ZNF274: variants seen among roughly 807,000 people sequenced by gnomAD.
ZNF274 encodes neurotrophin receptor-interacting factor homolog.
ZNF274 carries 23 observed loss-of-function variants against 42.5 expected under a neutral mutation model. The ratio of observed to expected loss-of-function variants is 0.54; its 90% CI spans 0.39 to 0.77. The LOEUF (loss-of-function observed/expected upper bound fraction) is 0.77, where lower values mean the gene tolerates loss of function less well. Among genes scored for constraint, ZNF274 ranks in the 30% least tolerant of loss-of-function variants. ZNF274 has a pLI of 0.00. For synonymous variants in ZNF274, 292 were observed against 305.4 expected, an observed-to-expected ratio of 0.96 and a Z score of 0.46; for missense variants, 679 against 806.5, an observed-to-expected ratio of 0.84 and a Z score of 1.91.
At position 58,211,607 on chromosome 19, in the gene ZNF274, G is replaced by A. The variant is rs1193909428; in HGVS notation, c.900G>A (p.Glu300=). 9 of 1,613,732 alleles carry A rather than the reference G, an allele frequency of 5.6e-6. No homozygotes were observed. In the African/African-American group the frequency reaches 1.1e-4, roughly 19 times the overall value. Residue 300 remains glutamate, a synonymous_variant, in exon 7 of 8, where the codon GAG becomes GAA. Coordinates refer to ENST00000617501, the MANE Select transcript of ZNF274 (RefSeq NM_133502.3). The surrounding 1 kb of genome is among the most constrained non-coding windows in gnomAD (Gnocchi z 4.8). ...QDVAVDFSRE[E]WGLLGPTQRT... ...TGGCTGTGGACTTCAGCCGGGAGGA[G>A]TGGGGGCTGCTGGGCCCGACACAGA...
chr19:58,212,619 G>A lies in ZNF274; in HGVS notation c.1438G>A (p.Glu480Lys), dbSNP rs1409525848. ...QKSCERQKAK[E>K]GNGCRKTFSR... is the part of the protein sequence containing the mutation. ...GAGCTGTGAAAGGCAAAAGGCCAAGGAAGGCAATGGTTGTAGGAAAACCTT... is the reference window on the plus strand; with the variant it reads ...GAGCTGTGAAAGGCAAAAGGCCAAGAAAGGCAATGGTTGTAGGAAAACCTT... The change falls in exon 8 of 8, where the codon GAA (glutamate) becomes AAA (lysine). Residue 480 changes from glutamate to lysine, a missense_variant. Physicochemically the swap from Glu to Lys is moderately conservative, Grantham distance 56 (BLOSUM62 1). Around this residue, in one of 2 missense-constraint regions of ZNF274, gnomAD observed 456 missense variants for 590.1 expected, o/e 0.77. Coordinates refer to ENST00000617501, the MANE Select transcript of ZNF274 (RefSeq NM_133502.3). This position sits in a 1 kb window ranked among gnomAD's most constrained non-coding sequence, Gnocchi z 4.6. 1.2e-6 allele frequency: 2 copies of A among 1,614,018 alleles called. No homozygotes were observed. The highest frequency in any genetic ancestry group is 2.2e-5 in the South Asian group (2 of 91,082).
chr19:58,211,642 A>G lies in ZNF274; in HGVS notation c.935A>G (p.Tyr312Cys). 1 of 1,613,686 alleles carries G rather than the reference A, an allele frequency of 6.2e-7. No homozygotes were observed. Among genetic ancestry groups the G allele is most frequent in the South Asian group, 1.1e-5 (1 of 91,064 alleles). ...GLLGPTQRTE[Y>C]RDVMLETFGH... ...CTGGGCCCGACACAGAGGACCGAGT[A>G]CCGCGATGTGATGCTGGAGACCTTT... The change falls in exon 7 of 8, where the codon TAC (tyrosine) becomes TGC (cysteine). Residue 312 changes from tyrosine to cysteine, a missense_variant. Around this residue, in one of 2 missense-constraint regions of ZNF274, gnomAD observed 456 missense variants for 590.1 expected, o/e 0.77. Transcript: ENST00000617501. The surrounding 1 kb of genome is among the most constrained non-coding windows in gnomAD (Gnocchi z 4.8).
intron 4 of ZNF274, among the ~76,000 whole-genome samples, chr19:58,198,767 C>T (rs1365946826): frequency 6.7e-6 from 1 of 150,222 alleles, no homozygotes; most frequent in Non-Finnish European, 1.5e-5. Flanking sequence ...TGTAGAGTTG[C>T]CAAAATTAGT....
At chr19:58,198,408 CTATT>C (rs1394074012) in intron 4 of ZNF274, among the ~76,000 whole-genome samples, 1 of 152,132 alleles carries the variant, frequency 6.6e-6, no homozygotes, top group Non-Finnish European at 1.5e-5. Context: ...TATACATAAA[CTATT>C]TCTTAAAATT....
chr19:58,185,870 G>A, intron 3 of ZNF274, 32 bp downstream of exon 3: 1 of 1,339,066 alleles, frequency 7.5e-7, no homozygotes, highest in South Asian at 2.5e-5. Flanking sequence ...AGAAGGATCT[G>A]TGCTTTGTAG....
intron 4 of ZNF274, among the ~76,000 whole-genome samples, chr19:58,204,081 C>G (rs376994061): frequency 6.6e-6 from 1 of 152,152 alleles, no homozygotes. Flanking sequence ...GGTTTGTACT[C>G]GAGGAACGGG....
In ZNF274 at chr19:58,185,296, C is replaced by T. The variant is rs1415898391; in HGVS notation, c.34-416C>T. Among the ~76,000 whole-genome samples, 8 of 151,628 alleles carry T rather than the reference C, an allele frequency of 5.3e-5. No individual in the cohort carries two copies. The East Asian group carries it at 1.4e-3, about 26-fold the overall frequency. ...AAAATTAGCCGGGCATGGTGGTATGCGCCTGTAATCCCAGCTACTCAGGAG... is the reference window on the plus strand; with the variant it reads ...AAAATTAGCCGGGCATGGTGGTATGTGCCTGTAATCCCAGCTACTCAGGAG... On this transcript the variant is annotated intron_variant, in intron 2 of 7. Transcript: ENST00000617501.
intron 4 of ZNF274, among the ~76,000 whole-genome samples, chr19:58,192,639 A>G (rs937411057): frequency 2.8e-4 from 43 of 152,236 alleles, no homozygotes; most frequent in African/African-American, 9.4e-4. Context: ...GATTACTTAT[A>G]ATACCGAATA....
Position 58,211,637 on chromosome 19 carries a change from C to G in ZNF274, c.930C>G (p.Thr310=), listed in dbSNP as rs758325416. 3 of 1,613,814 alleles carry G rather than the reference C, an allele frequency of 1.9e-6. No individual in the cohort carries two copies. Among genetic ancestry groups the G allele is most frequent in the East Asian group, 4.5e-5 (2 of 44,854 alleles). ...EWGLLGPTQR[T]EYRDVMLETF... ...GGCTGCTGGGCCCGACACAGAGGAC[C>G]GAGTACCGCGATGTGATGCTGGAGA... Residue 310 remains threonine (T), a synonymous_variant, in exon 7 of 8, where the codon ACC becomes ACG. Coordinates refer to ENST00000617501, the MANE Select transcript of ZNF274 (RefSeq NM_133502.3). This position sits in a 1 kb window ranked among gnomAD's most constrained non-coding sequence, Gnocchi z 4.8.
intron 3 of ZNF274, chr19:58,186,177 A>G (rs1402166675): frequency 2.1e-5 from 1 of 48,544 alleles, no homozygotes; most frequent in Non-Finnish European, 4.1e-5. Context: ...TGTCTCTATT[A>G]AAAAAAAAAA....
At position 58,210,103 on chromosome 19, in the gene ZNF274, C is replaced by A; in HGVS notation, c.852+30C>A. On this transcript the variant is annotated intron_variant, in intron 6 of 7. Transcript: ENST00000617501. ...GCGGGGAGTATCACCCTGTTTTGGT[C>A]ACAGCATCTCCTGTGAGGCAGGCCC... 4 of 1,592,794 alleles carry A rather than the reference C, an allele frequency of 2.5e-6. No homozygotes were observed. The South Asian group carries it at 4.5e-5, about 18-fold the overall frequency.
At chr19:58,199,894 T>G (rs993265082) in intron 4 of ZNF274, among the ~76,000 whole-genome samples, 1 of 152,242 alleles carries the variant, frequency 6.6e-6, no homozygotes, top group African/African-American at 2.4e-5. Flanking sequence ...AAGTATTAAC[T>G]TATTTTGAGG....
intron 4 of ZNF274, among the ~76,000 whole-genome samples, chr19:58,204,408 T>C (rs1431350221): frequency 6.6e-6 from 1 of 152,028 alleles, no homozygotes; most frequent in Admixed American, 6.6e-5. Flanking sequence ...TTTCGTCGGC[T>C]GAGAGACTGG....
At chr19:58,184,518 G>C (rs2146184190) in intron 2 of ZNF274, 1 of 155,950 alleles carries the variant, frequency 6.4e-6, no homozygotes, top group African/African-American at 2.4e-5. Context: ...TCACCATGTT[G>C]GCCAGGCTGG....
At chr19:58,194,044 CT>C (rs2075809424) in intron 4 of ZNF274, among the ~76,000 whole-genome samples, 1 of 152,154 alleles carries the variant, frequency 6.6e-6, no homozygotes, top group South Asian at 2.1e-4. Context: ...AGGAGGATTG[CT>C]TGAGGCCAGA....
intron 4 of ZNF274, among the ~76,000 whole-genome samples, chr19:58,197,184 G>A (rs1275868802): frequency 6.6e-6 from 1 of 152,188 alleles, no homozygotes; most frequent in Admixed American, 6.5e-5. Flanking sequence ...TCACTGGCAA[G>A]GATCCCTCTC....
At chr19:58,209,800 G>A (rs939366984) in intron 5 of ZNF274, 161 bp from the exon 6 acceptor site, 36 of 565,542 alleles carry the variant, frequency 6.4e-5, no homozygotes, top group Non-Finnish European at 1.1e-4. Flanking sequence ...TGCTGTGAGG[G>A]GAGCAGAGCT....
chr19:58,185,966 A>T, intron 3 of ZNF274, 128 bp downstream of exon 3: 1 of 796,360 alleles, frequency 1.3e-6, no homozygotes, highest in Non-Finnish European at 1.8e-6. Flanking sequence ...TTTCAGTATG[A>T]CTTCTGAATC....
intron 4 of ZNF274, among the ~76,000 whole-genome samples, chr19:58,191,718 C>G (rs10425685): frequency 0.19 from 28,311 of 152,148 alleles, 2,792 homozygotes; most frequent in Non-Finnish European, 0.2. Context: ...GGTACTGTTG[C>G]AGTCTCAGCC....
Sources: allele counts gnomAD v4.1 joint callset (sites outside exome capture counted in the v4.1 genomes callset), GRCh38; gene constraint gnomAD v4.1.1; regional missense constraint gnomAD v4.1.1; non-coding constraint Gnocchi (gnomAD v3.1); transcripts MANE v1.5; gene names NCBI Gene and HGNC (gene_info 2026-07-23, HGNC 2026-07-21).